The following SLC4A5 variants were observed in gnomAD, a reference collection of about 807,000 sequenced individuals.
The protein encoded by SLC4A5 is solute carrier family 4 member 5.
A neutral mutation model predicts 120.4 loss-of-function variants in SLC4A5; 96 were observed. The observed-to-expected ratio is 0.80, with a 90% CI of 0.68 to 0.94. The LOEUF (loss-of-function observed/expected upper bound fraction) is 0.94. Among genes scored for constraint, SLC4A5 ranks in the 40% least tolerant of loss-of-function variants. The pLI is 0.00. For missense variants in SLC4A5, 1,259 were observed against 1,459.5 expected (o/e 0.86, Z 2.24); for synonymous variants, 550 against 571.1 (o/e 0.96, Z 0.53).
chr2:74,226,953 T>C lies in SLC4A5; in HGVS notation c.3090+4A>G. 1.2e-6 allele frequency: 2 copies of C among 1,612,486 alleles called. No homozygotes were observed. The highest frequency in any genetic ancestry group is 1.7e-6 in the Non-Finnish European group (2 of 1,178,976). On this transcript the variant is annotated splice_donor_region_variant and intron_variant, in intron 27 of 30. Transcript: ENST00000394019. ...CAGGAGGGGGAAGCCCGTGCCCACTTTACCATGACCGGGAAGATGATGGCA... is the reference window on the plus strand; with the variant it reads ...CAGGAGGGGGAAGCCCGTGCCCACTCTACCATGACCGGGAAGATGATGGCA...
intron 7 of SLC4A5, among the ~76,000 whole-genome samples, chr2:74,289,168 A>G (rs1490923993): frequency 2.0e-5 from 3 of 152,168 alleles, no homozygotes. Flanking sequence ...TGTTCACACA[A>G]TGGGCTCCTG....
intron 20 of SLC4A5, among the ~76,000 whole-genome samples, chr2:74,241,334 T>C (rs965458097): frequency 6.6e-6 from 1 of 151,310 alleles, no homozygotes; most frequent in African/African-American, 2.4e-5. Context: ...GGTGCGATCT[T>C]GGCTCACCAC....
chr2:74,260,722 G>A (rs1356185998), intron 11 of SLC4A5, among the ~76,000 whole-genome samples: 2 of 152,028 alleles, frequency 1.3e-5, no homozygotes, highest in Non-Finnish European at 2.9e-5. Context: ...CTGGAATGCA[G>A]GCTCAGTCTC....
At chr2:74,336,437 T>C (rs945790748) in intron 3 of SLC4A5, among the ~76,000 whole-genome samples, 2 of 152,170 alleles carry the variant, frequency 1.3e-5, no homozygotes, top group African/African-American at 4.8e-5. Context: ...CACATGACTT[T>C]GGGCAAGTTA....
intron 8 of SLC4A5, among the ~76,000 whole-genome samples, chr2:74,266,555 C>T (rs1428767025): frequency 7.2e-5 from 11 of 152,194 alleles, no homozygotes; most frequent in Admixed American, 6.5e-4. Flanking sequence ...AGTCGTGAGC[C>T]ACCACGCCCA....
chr2:74,227,223 A>G, intron 26 of SLC4A5, 93 bp from the exon 27 acceptor site: 1 of 1,383,804 alleles, frequency 7.2e-7, no homozygotes, highest in Non-Finnish European at 9.8e-7. Context: ...GTGGGGTCTC[A>G]GAGAGGGGAA....
intron 6 of SLC4A5, among the ~76,000 whole-genome samples, chr2:74,306,043 C>G (rs1227071020): frequency 1.3e-5 from 2 of 152,174 alleles, no homozygotes; most frequent in Non-Finnish European, 2.9e-5. Context: ...TTTTTACTTA[C>G]TATCTCTACA....
Position 74,256,643 on chromosome 2 carries a change from A to G in SLC4A5, c.868-711T>C, listed in dbSNP as rs575942815. On this transcript the variant is annotated intron_variant, in intron 12 of 30. Coordinates refer to ENST00000394019, the Ensembl canonical transcript of SLC4A5. ...GTCTGATGTGAGAGGTACTGGAGAC[A>G]AGCCCTCCACCCAAATGTATTCCCA... Among the ~76,000 whole-genome samples the G allele has an allele frequency of 4.6e-5, 7 of 152,322 alleles. No homozygotes were observed. In the East Asian group the frequency reaches 1.3e-3, roughly 29 times the overall value.
intron 8 of SLC4A5, among the ~76,000 whole-genome samples, chr2:74,271,317 C>T (rs1335097846): frequency 1.3e-5 from 2 of 152,108 alleles, no homozygotes; most frequent in East Asian, 3.8e-4. Flanking sequence ...ACTTTAGAAA[C>T]CACTGTTCTA....
At chr2:74,240,175 T>G (rs2103945846) in intron 20 of SLC4A5, among the ~76,000 whole-genome samples, 1 of 152,086 alleles carries the variant, frequency 6.6e-6, no homozygotes, top group South Asian at 2.1e-4. Flanking sequence ...GGTTTTGTGC[T>G]TTTCCTCTCT....
rs532510944 is a variant in SLC4A5 at position 74,277,720 on chromosome 2, C to T, written c.401+8053G>A. 1.3e-3 allele frequency among the ~76,000 whole-genome samples: 202 copies of T among 150,774 alleles called. 2 individuals are homozygous for T. The highest frequency in any genetic ancestry group is 4.7e-3 in the African/African-American group (195 of 41,118). On this transcript the variant is annotated intron_variant, in intron 8 of 30. Coordinates refer to ENST00000394019, the Ensembl canonical transcript of SLC4A5. ...TTTGATTCTAAGTTGTATAAACCAA[C>T]AGAAATATGATATTTTTGAGACAGT...
chr2:74,329,572 C>A (rs532634729), intron 4 of SLC4A5, among the ~76,000 whole-genome samples: 1 of 151,404 alleles, frequency 6.6e-6, no homozygotes, highest in Non-Finnish European at 1.5e-5. Flanking sequence ...CTGGGCAACA[C>A]GGCGAGGCTC....
intron 6 of SLC4A5, chr2:74,306,900 A>G: frequency 1.6e-6 from 1 of 626,790 alleles, no homozygotes. Context: ...CTCAGCCTCC[A>G]GCTTGAGCTT....
chr2:74,281,316 C>G (rs1671806222), intron 8 of SLC4A5, among the ~76,000 whole-genome samples: 1 of 152,226 alleles, frequency 6.6e-6, no homozygotes, highest in Admixed American at 6.5e-5. Flanking sequence ...TTCTGAGTAA[C>G]CCCAAAGGGC....
intron 6 of SLC4A5, among the ~76,000 whole-genome samples, chr2:74,308,779 A>T (rs1323205708): frequency 6.6e-6 from 1 of 151,750 alleles, no homozygotes; most frequent in Non-Finnish European, 1.5e-5. Flanking sequence ...GGTTGTATCT[A>T]AAAACTCATC....
chr2:74,220,302 C>A (rs951874654), intron 30 of SLC4A5, among the ~76,000 whole-genome samples: 1 of 150,500 alleles, frequency 6.6e-6, no homozygotes, highest in Admixed American at 6.6e-5. Context: ...TGGCCTTGAA[C>A]CTATTCTTAA....
intron 5 of SLC4A5, among the ~76,000 whole-genome samples, chr2:74,326,330 T>G (rs1356913980): frequency 6.6e-6 from 1 of 152,196 alleles, no homozygotes; most frequent in Non-Finnish European, 1.5e-5. Flanking sequence ...GTCTCTTCCC[T>G]GCCCAACTAG....
intron 8 of SLC4A5, among the ~76,000 whole-genome samples, chr2:74,271,155 G>C (rs548131894): frequency 2.6e-5 from 4 of 152,036 alleles, no homozygotes; most frequent in Non-Finnish European, 5.9e-5. Context: ...TCATGCTGCT[G>C]GTCTGCAGAT....
exon 27 of SLC4A5, chr2:74,227,089 G>A (rs1380646538): frequency 1.2e-6 from 2 of 1,614,040 alleles, no homozygotes; most frequent in Admixed American, 1.7e-5. Flanking sequence ...GGTCCGGCTG[G>A]TGCTTGGCTG....
Sources: allele counts gnomAD v4.1 joint callset (sites outside exome capture counted in the v4.1 genomes callset), GRCh38; gene constraint gnomAD v4.1.1; transcripts MANE v1.5; gene names NCBI Gene and HGNC (gene_info 2026-07-23, HGNC 2026-07-21).